Variants in LRRTM4 observed in about 807,000 individuals in gnomAD.
LRRTM4 encodes the protein leucine rich repeat transmembrane neuronal 4.
LRRTM4 carries 25 observed loss-of-function variants against 47.6 expected under a neutral mutation model. The observed-to-expected ratio is 0.53, with a 90% CI of 0.38 to 0.73. The LOEUF (loss-of-function observed/expected upper bound fraction) is 0.73, where lower values mean the gene tolerates loss of function less well. Among genes scored for constraint, LRRTM4 ranks in the 30% least tolerant of loss-of-function variants. The probability of loss-of-function intolerance (pLI) is 0.00; values close to 1 mark genes in which losing one functional copy is unlikely to be tolerated. For synonymous variants in LRRTM4, 311 were observed against 269.5 expected, an observed-to-expected ratio of 1.15 and a Z score of -1.51; for missense variants, 638 against 713.4, an observed-to-expected ratio of 0.89 and a Z score of 1.20.
At chr2:76,857,386 A>G (rs777017209) in intron 3 of LRRTM4, among the ~76,000 whole-genome samples, 2 of 150,568 alleles carry the variant, frequency 1.3e-5, no homozygotes, top group Non-Finnish European at 3.0e-5. Flanking sequence ...ATATTTACAT[A>G]TATGAGATAT....
At chr2:76,922,536 G>T (rs529859428) in intron 3 of LRRTM4, among the ~76,000 whole-genome samples, 2 of 152,160 alleles carry the variant, frequency 1.3e-5, no homozygotes, top group African/African-American at 4.8e-5. Flanking sequence ...TTGGGTGGGG[G>T]CACAGAGCCA....
intron 3 of LRRTM4, among the ~76,000 whole-genome samples, chr2:77,017,238 G>T (rs1678102255): frequency 6.6e-6 from 1 of 152,038 alleles, no homozygotes; most frequent in Non-Finnish European, 1.5e-5. Context: ...ACCTCCTGTT[G>T]TTCTACCATC....
intron 3 of LRRTM4, among the ~76,000 whole-genome samples, chr2:77,428,147 G>A (rs1443555768): frequency 1.3e-5 from 2 of 152,056 alleles, no homozygotes; most frequent in African/African-American, 4.8e-5. Flanking sequence ...TTTCCTTTCT[G>A]TCATGATTGT....
chr2:77,197,693 G>A lies in LRRTM4; in HGVS notation c.1551+320625C>T, dbSNP rs546211213. On this transcript the variant is annotated intron_variant, in intron 3 of 3. Coordinates refer to ENST00000409884, the MANE Select transcript of LRRTM4 (RefSeq NM_001134745.3). ...TGATTTTGCAACCTTGAGAAATTAA[G>A]CCCTTTTAGCTGACCTTCGGTCATT... Among the ~76,000 whole-genome samples, 3 of 152,258 alleles carry A rather than the reference G, an allele frequency of 2.0e-5. No homozygotes were observed. The South Asian group carries it at 6.2e-4, about 31-fold the overall frequency.
intron 3 of LRRTM4, among the ~76,000 whole-genome samples, chr2:77,483,229 A>G (rs920378713): frequency 6.6e-6 from 1 of 151,562 alleles, no homozygotes; most frequent in Admixed American, 6.6e-5. Flanking sequence ...TTTATGTAAG[A>G]TAAGTAACTT....
chr2:76,983,162 A>G (rs1676672689), intron 3 of LRRTM4, among the ~76,000 whole-genome samples: 1 of 152,090 alleles, frequency 6.6e-6, no homozygotes, highest in African/African-American at 2.4e-5. Context: ...AGAGAAAGTT[A>G]CTGCATAGTT....
intron 3 of LRRTM4, among the ~76,000 whole-genome samples, chr2:76,907,241 C>A (rs924080545): frequency 2.0e-5 from 3 of 151,394 alleles, no homozygotes; most frequent in Non-Finnish European, 4.4e-5. Flanking sequence ...TCCTGAATGA[C>A]TACCAGGTAC....
intron 3 of LRRTM4, among the ~76,000 whole-genome samples, chr2:76,830,639 TATTAAA>T (rs1185110260): frequency 1.3e-5 from 2 of 151,914 alleles, no homozygotes; most frequent in African/African-American, 4.8e-5. Flanking sequence ...TTTATATTTA[TATTAAA>T]ATTAAAGTCT....
intron 3 of LRRTM4, among the ~76,000 whole-genome samples, chr2:77,011,150 G>GT (rs1238640433): frequency 3.3e-5 from 5 of 152,134 alleles, no homozygotes; most frequent in African/African-American, 9.6e-5. Context: ...TCATGTCTTA[G>GT]TAAAAAGAAA....
chr2:77,322,835 C>T (rs1677834162), intron 3 of LRRTM4, among the ~76,000 whole-genome samples: 1 of 150,346 alleles, frequency 6.7e-6, no homozygotes, highest in Admixed American at 6.7e-5. Context: ...AACTCTCTCT[C>T]TCTCTCTCTC....
intron 3 of LRRTM4, among the ~76,000 whole-genome samples, chr2:77,289,587 G>GC (rs1558670447): frequency 6.6e-6 from 1 of 150,912 alleles, no homozygotes; most frequent in African/African-American, 2.4e-5. Flanking sequence ...TATGTTAGTG[G>GC]TTTTTTTTTA....
intron 3 of LRRTM4, among the ~76,000 whole-genome samples, chr2:76,956,106 A>G (rs77818076): frequency 0.053 from 7,987 of 151,762 alleles, 482 homozygotes; most frequent in East Asian, 0.14. Flanking sequence ...AACACACATT[A>G]GTCAAAAGTG....
chr2:77,417,884 A>G (rs1218147781), intron 3 of LRRTM4, among the ~76,000 whole-genome samples: 1 of 152,188 alleles, frequency 6.6e-6, no homozygotes, highest in Non-Finnish European at 1.5e-5. Context: ...CACGTTGTGC[A>G]CATGTACCCT....
chr2:77,057,664 C>T (rs1446689), intron 3 of LRRTM4, among the ~76,000 whole-genome samples: 52,533 of 151,944 alleles, frequency 0.35, 10,601 homozygotes, highest in African/African-American at 0.56. Flanking sequence ...TCAAGCAAAA[C>T]GCAAGTGCCC....
intron 3 of LRRTM4, among the ~76,000 whole-genome samples, chr2:77,020,677 T>A (rs1485424628): frequency 2.0e-5 from 3 of 152,104 alleles, no homozygotes; most frequent in African/African-American, 4.8e-5. Flanking sequence ...TGCATGCAAT[T>A]TTCTATGACA....
chr2:76,783,416 G>A lies in LRRTM4; in HGVS notation c.1552-34500C>T, dbSNP rs147147595. ...TAACATAAAATGTACCATTTTAATC[G>A]TGTTTAAGTGTTCAGTTTTGTGGTG... On this transcript the variant is annotated intron_variant, in intron 3 of 3. Coordinates refer to ENST00000409884, the MANE Select transcript of LRRTM4 (RefSeq NM_001134745.3). Among the ~76,000 whole-genome samples the A allele has an allele frequency of 9.0e-3, 1,369 of 151,654 alleles. 15 individuals carry two copies. Among genetic ancestry groups the A allele is most frequent in the Non-Finnish European group, 0.014 (977 of 67,922 alleles).
At position 76,905,022 on chromosome 2, in the gene LRRTM4, C is replaced by G. The variant is rs181239030; in HGVS notation, c.1552-156106G>C. ...GTTCTCCCAGAACGCAGCTGGAGAT[C>G]TGAGAACAGGCAGACTGCCTCCTCA... On this transcript the variant is annotated intron_variant, in intron 3 of 3. Coordinates refer to ENST00000409884, the MANE Select transcript of LRRTM4 (RefSeq NM_001134745.3). 4.3e-3 allele frequency among the ~76,000 whole-genome samples: 662 copies of G among 152,206 alleles called. 7 individuals are homozygous for G. Among genetic ancestry groups the G allele is most frequent in the African/African-American group, 0.015 (621 of 41,530 alleles).
chr2:76,885,393 TCAA>T (rs1037356738), intron 3 of LRRTM4, among the ~76,000 whole-genome samples: 1 of 151,442 alleles, frequency 6.6e-6, no homozygotes, highest in Non-Finnish European at 1.5e-5. Flanking sequence ...AACTGAATGA[TCAA>T]CAACCAAAAT....
At chr2:76,786,870 A>G (rs1169850813) in intron 3 of LRRTM4, among the ~76,000 whole-genome samples, 1 of 57,570 alleles carries the variant, frequency 1.7e-5, no homozygotes, top group African/African-American at 4.0e-5. Flanking sequence ...CTTTGTGCTA[A>G]TAATAGCATC....
Sources: allele counts gnomAD v4.1 joint callset (sites outside exome capture counted in the v4.1 genomes callset), GRCh38; gene constraint gnomAD v4.1.1; transcripts MANE v1.5; gene names NCBI Gene and HGNC (gene_info 2026-07-23, HGNC 2026-07-21).